Variants in CAMSAP2 observed in about 807,000 individuals in gnomAD.
The protein encoded by CAMSAP2 is calmodulin regulated spectrin associated protein family member 2, also known as calmodulin-regulated spectrin-associated protein 2.
In CAMSAP2, 26 loss-of-function variants were observed where a neutral mutation model predicts 146.1. The observed-to-expected ratio is 0.18, with a 90% CI of 0.13 to 0.25. CAMSAP2 has a LOEUF of 0.25. CAMSAP2 is among the 10% of genes least tolerant of loss of function. The pLI, the probability that CAMSAP2 is intolerant of heterozygous loss-of-function variation, is 1.00. For synonymous variants in CAMSAP2, 499 were observed against 596.6 expected, an observed-to-expected ratio of 0.84 and a Z score of 2.38; for missense variants, 1,381 against 1,759.3, an observed-to-expected ratio of 0.78 and a Z score of 3.85.
intron 1 of CAMSAP2, among the ~76,000 whole-genome samples, chr1:200,752,256 G>C (rs1383773575): frequency 6.6e-6 from 1 of 151,968 alleles, no homozygotes. Context: ...TTAACATTTT[G>C]AGCACAGTTT....
At chr1:200,757,503 T>G in intron 1 of CAMSAP2, among the ~76,000 whole-genome samples, 1 of 152,002 alleles carries the variant, frequency 6.6e-6, no homozygotes, top group East Asian at 1.9e-4. Flanking sequence ...CTGTCTGTAT[T>G]AATTTCTTAC....
intron 4 of CAMSAP2, among the ~76,000 whole-genome samples, chr1:200,825,519 T>C (rs1314114213): frequency 6.6e-6 from 1 of 151,766 alleles, no homozygotes; most frequent in Non-Finnish European, 1.5e-5. Flanking sequence ...CTTTTTTTTT[T>C]TTTTTGAGAC....
chr1:200,840,286 CTTTT>C (rs1298844508), intron 6 of CAMSAP2, among the ~76,000 whole-genome samples: 1 of 152,044 alleles, frequency 6.6e-6, no homozygotes, highest in Non-Finnish European at 1.5e-5. Flanking sequence ...TCATCACTTT[CTTTT>C]TATTTTTTTT....
At position 200,858,680 on chromosome 1, in the gene CAMSAP2, TA is replaced by T. The variant is rs1428998087; in HGVS notation, c.*622del. 1 of 152,680 alleles carries T rather than the reference TA, an allele frequency of 6.5e-6. No homozygotes were observed. Among genetic ancestry groups the T allele is most frequent in the African/African-American group, 2.4e-5 (1 of 41,448 alleles). The allele number at this position is 152,680 out of a possible 1,614,324, so 9.5% of individuals were successfully genotyped here. On this transcript the variant is annotated 3_prime_UTR_variant, in exon 17 of 17. Coordinates refer to ENST00000358823, the MANE Select transcript of CAMSAP2 (RefSeq NM_203459.4). ...GCTAAGTATTTACAACTCTATTTAT[TA>T]TTCACTCAAGTATTAACATTCTCTA...
chr1:200,818,418 GTGAC>G (rs758069188), intron 4 of CAMSAP2, among the ~76,000 whole-genome samples: 4 of 152,188 alleles, frequency 2.6e-5, no homozygotes, highest in Non-Finnish European at 5.9e-5. Flanking sequence ...TGGTGAATGG[GTGAC>G]TGAGTGAATA....
chr1:200,763,964 G>A (rs1369562142), intron 2 of CAMSAP2, among the ~76,000 whole-genome samples: 2 of 152,070 alleles, frequency 1.3e-5, no homozygotes, highest in South Asian at 2.1e-4. Context: ...ACCCGAGGTC[G>A]GGAGGCTGAG....
chr1:200,812,309 G>A (rs1188542623), intron 3 of CAMSAP2, among the ~76,000 whole-genome samples: 1 of 152,026 alleles, frequency 6.6e-6, no homozygotes, highest in East Asian at 1.9e-4. Context: ...GAGAAGGATA[G>A]TTTAAGCCAT....
intron 11 of CAMSAP2, among the ~76,000 whole-genome samples, chr1:200,852,152 T>G (rs1461005482): frequency 6.6e-6 from 1 of 152,230 alleles, no homozygotes; most frequent in Non-Finnish European, 1.5e-5. Flanking sequence ...ATGTTTTTAC[T>G]TGAGGTATTT....
chr1:200,757,804 A>G (rs2102998561), intron 1 of CAMSAP2, among the ~76,000 whole-genome samples: 1 of 152,302 alleles, frequency 6.6e-6, no homozygotes, highest in East Asian at 1.9e-4. Flanking sequence ...TTCTTGAAAC[A>G]GTCTTTGATT....
At chr1:200,830,213 A>C (rs1667007292) in intron 4 of CAMSAP2, among the ~76,000 whole-genome samples, 1 of 152,228 alleles carries the variant, frequency 6.6e-6, no homozygotes, top group Non-Finnish European at 1.5e-5. Flanking sequence ...TCTAGAATAC[A>C]ATCTTTAGGA....
chr1:200,843,307 GA>G (rs1390822475), intron 7 of CAMSAP2, among the ~76,000 whole-genome samples: 1 of 152,170 alleles, frequency 6.6e-6, no homozygotes, highest in Non-Finnish European at 1.5e-5. Flanking sequence ...ATAGTCTAGT[GA>G]GTACAATGAG....
intron 2 of CAMSAP2, among the ~76,000 whole-genome samples, chr1:200,768,923 G>A (rs141272643): frequency 1.7e-3 from 254 of 152,268 alleles, no homozygotes; most frequent in African/African-American, 6.1e-3. Context: ...AAGTGCAGGG[G>A]ATTACAGGCA....
intron 6 of CAMSAP2, among the ~76,000 whole-genome samples, chr1:200,840,194 CT>C (rs1667287808): frequency 6.6e-6 from 1 of 152,184 alleles, no homozygotes; most frequent in South Asian, 2.1e-4. Flanking sequence ...CTTTCATTAC[CT>C]GTTTCTCCCA....
At chr1:200,817,904 C>T (rs1166006145) in intron 4 of CAMSAP2, among the ~76,000 whole-genome samples, 1 of 152,182 alleles carries the variant, frequency 6.6e-6, no homozygotes, top group African/African-American at 2.4e-5. Context: ...CCCCATCACC[C>T]CAGATTATGT....
At chr1:200,825,131 C>T (rs1438138683) in intron 4 of CAMSAP2, among the ~76,000 whole-genome samples, 2 of 152,002 alleles carry the variant, frequency 1.3e-5, no homozygotes, top group Non-Finnish European at 2.9e-5. Context: ...TATATTATTC[C>T]TTTGAAATAC....
At chr1:200,766,278 G>C (rs1186425676) in intron 2 of CAMSAP2, among the ~76,000 whole-genome samples, 1 of 151,386 alleles carries the variant, frequency 6.6e-6, no homozygotes, top group African/African-American at 2.4e-5. Context: ...TGGGTAGCTG[G>C]GTCTGCAGAC....
intron 2 of CAMSAP2, among the ~76,000 whole-genome samples, chr1:200,788,202 C>A (rs1665649039): frequency 6.6e-6 from 1 of 152,096 alleles, no homozygotes. Flanking sequence ...ATTTTTATAA[C>A]TTGATTGCTC....
chr1:200,792,385 G>C (rs114805570), intron 2 of CAMSAP2, among the ~76,000 whole-genome samples: 2 of 152,174 alleles, frequency 1.3e-5, no homozygotes, highest in Non-Finnish European at 2.9e-5. Flanking sequence ...AATCCCAGCC[G>C]GGCGCAGTGG....
intron 1 of CAMSAP2, among the ~76,000 whole-genome samples, chr1:200,741,642 T>C (rs1017839588): frequency 1.3e-5 from 2 of 152,240 alleles, no homozygotes; most frequent in Non-Finnish European, 1.5e-5. Flanking sequence ...GATATCAAAA[T>C]TTTGCCATGC....
Sources: allele counts gnomAD v4.1 joint callset (sites outside exome capture counted in the v4.1 genomes callset), GRCh38; gene constraint gnomAD v4.1.1; transcripts MANE v1.5; gene names NCBI Gene and HGNC (gene_info 2026-07-23, HGNC 2026-07-21).